The following ENO4 variants were observed in gnomAD, a reference collection of about 807,000 sequenced individuals.
ENO4 encodes 2-phospho-D-glycerate hydro-lyase.
A neutral mutation model predicts 63.2 loss-of-function variants in ENO4; 53 were observed. The observed-to-expected ratio is 0.84, with a 90% CI of 0.67 to 1.05. ENO4 has a LOEUF of 1.05. Ranked by LOEUF, ENO4 falls within the 50% of genes least tolerant of loss-of-function variation. The pLI, the probability that ENO4 is intolerant of heterozygous loss-of-function variation, is 0.00. For synonymous variants in ENO4, 266 were observed against 283.8 expected (o/e 0.94, Z 0.63); for missense variants, 719 against 772.0 (o/e 0.93, Z 0.81).
chr10:116,895,508 A>G (rs1215873984), intron 10 of ENO4, among the ~76,000 whole-genome samples: 1 of 152,200 alleles, frequency 6.6e-6, no homozygotes, highest in Non-Finnish European at 1.5e-5. Flanking sequence ...TCCTCCCTTG[A>G]CAAGAGATCT....
intron 10 of ENO4, among the ~76,000 whole-genome samples, chr10:116,907,170 A>G (rs2133337777): frequency 6.6e-6 from 1 of 152,306 alleles, no homozygotes; most frequent in Non-Finnish European, 1.5e-5. Context: ...AGCGGCACTG[A>G]AAAATGTGTG....
At chr10:116,861,657 G>A (rs1338152759) in intron 6 of ENO4, among the ~76,000 whole-genome samples, 7 of 152,112 alleles carry the variant, frequency 4.6e-5, no homozygotes, top group African/African-American at 1.7e-4. Flanking sequence ...CCACTCAGAG[G>A]TGTGCAAGGA....
intron 10 of ENO4, among the ~76,000 whole-genome samples, chr10:116,908,411 C>T (rs994818466): frequency 5.3e-5 from 8 of 152,144 alleles, no homozygotes; most frequent in Non-Finnish European, 1.0e-4. Flanking sequence ...AAGAGTCACA[C>T]CATAAGGTAT....
At chr10:116,881,355 T>C (rs567496795) in intron 13 of ENO4, 160 bp from the exon 14 acceptor site, 13 of 570,606 alleles carry the variant, frequency 2.3e-5, no homozygotes, top group African/African-American at 2.1e-4. Flanking sequence ...AATTAACATA[T>C]AACCAAAGAT....
intron 10 of ENO4, among the ~76,000 whole-genome samples, chr10:116,911,066 T>G (rs1848171411): frequency 6.6e-6 from 1 of 152,218 alleles, no homozygotes; most frequent in Non-Finnish European, 1.5e-5. Flanking sequence ...TGACTTACTG[T>G]GCATAATAAC....
intron 10 of ENO4, chr10:116,906,876 T>A: frequency 1.4e-6 from 1 of 731,190 alleles, no homozygotes; most frequent in Non-Finnish European, 2.0e-6. Context: ...GAATTTGCTA[T>A]ATATTAATAT....
chr10:116,899,652 C>A (rs890729327), intron 10 of ENO4, among the ~76,000 whole-genome samples: 11 of 152,118 alleles, frequency 7.2e-5, no homozygotes, highest in African/African-American at 2.7e-4. Flanking sequence ...GCCAATAGCG[C>A]CACTCACGTG....
chr10:116,892,361 C>A lies in ENO4; in HGVS notation c.1194+12375C>A, dbSNP rs141435333. Among the ~76,000 whole-genome samples, 1,031 of 152,306 alleles carry A rather than the reference C, an allele frequency of 6.8e-3. 15 individuals are homozygous for A. Among genetic ancestry groups the A allele is most frequent in the African/African-American group, 0.024 (996 of 41,564 alleles). On this transcript the variant is annotated intron_variant, in intron 10 of 10. Coordinates refer to the ENO4 transcript ENST00000369207. Reference sequence around the variant, plus strand: ...CAATGCGTGAACTACGATTTCAGCTCGGCCAAAGATTCTGAAATGTGGGTG... The same window carrying A: ...CAATGCGTGAACTACGATTTCAGCTAGGCCAAAGATTCTGAAATGTGGGTG...
At chr10:116,878,146 T>C (rs530764277) in intron 11 of ENO4, among the ~76,000 whole-genome samples, 1 of 152,358 alleles carries the variant, frequency 6.6e-6, no homozygotes, top group East Asian at 1.9e-4. Flanking sequence ...GACTGGGGTT[T>C]CCCACTGGAC....
At chr10:116,897,162 C>T (rs183523993) in intron 10 of ENO4, among the ~76,000 whole-genome samples, 54 of 152,172 alleles carry the variant, frequency 3.5e-4, no homozygotes, top group Non-Finnish European at 7.2e-4. Flanking sequence ...GCATTTGGGG[C>T]AACAGTGAAG....
chr10:116,905,264 C>T (rs1049408083), intron 10 of ENO4, among the ~76,000 whole-genome samples: 3 of 148,462 alleles, frequency 2.0e-5, no homozygotes, highest in East Asian at 3.9e-4. Flanking sequence ...AAGGCTGAAA[C>T]GATGAAAAGG....
chr10:116,851,862 C>A (rs1763938857), intron 1 of ENO4, among the ~76,000 whole-genome samples: 1 of 152,086 alleles, frequency 6.6e-6, no homozygotes, highest in Admixed American at 6.5e-5. Flanking sequence ...TATCTGCTCA[C>A]CACATCTCCC....
At chr10:116,875,496 C>T (rs995599024) in intron 10 of ENO4, among the ~76,000 whole-genome samples, 1 of 151,542 alleles carries the variant, frequency 6.6e-6, no homozygotes, top group African/African-American at 2.4e-5. Context: ...CCAGGCACAC[C>T]ACCACACCCA....
downstream of ENO4, chr10:116,882,938 A>G (rs1392045851): frequency 6.6e-6 from 1 of 151,664 alleles, no homozygotes; most frequent in Non-Finnish European, 1.5e-5. Flanking sequence ...CAGAACAAAC[A>G]TGACTGGGTG....
chr10:116,903,334 A>T (rs1156371874), intron 10 of ENO4, among the ~76,000 whole-genome samples: 1 of 152,084 alleles, frequency 6.6e-6, no homozygotes, highest in Non-Finnish European at 1.5e-5. Flanking sequence ...GGAGTTAGAG[A>T]CCAACCTGGC....
chr10:116,871,779 TCA>T (rs970919998), intron 9 of ENO4, among the ~76,000 whole-genome samples: 2 of 152,208 alleles, frequency 1.3e-5, no homozygotes, highest in African/African-American at 4.8e-5. Context: ...ACTAAACACA[TCA>T]CAGTGTTATC....
Position 116,861,205 on chromosome 10 carries a change from C to T in ENO4, c.936+15C>T. 2.8e-6 allele frequency: 3 copies of T among 1,072,100 alleles called. No individual in the cohort carries two copies. The highest frequency in any genetic ancestry group is 3.6e-6 in the Non-Finnish European group (3 of 836,822). 66.4% of individuals were successfully genotyped at this position (1,072,100 alleles called of 1,614,324 possible). A position where few individuals can be genotyped will look rare whatever the true frequency, so the allele number is the denominator to read the frequency against. ...CAACCAAACAAGTACCTTACATTAT[C>T]TTAAATTACCTTTTCTAAAAAAAAA... is the stretch of plus-strand genomic sequence containing the variant. On this transcript the variant is annotated intron_variant, in intron 6 of 13. Transcript: ENST00000341276.
At chr10:116,876,943 C>T (rs187568660) in intron 11 of ENO4, among the ~76,000 whole-genome samples, 49 of 151,400 alleles carry the variant, frequency 3.2e-4, no homozygotes, top group Non-Finnish European at 5.4e-4. Flanking sequence ...AGGGAGACTC[C>T]GTCTCAAAAT....
rs1846456070 is a variant in ENO4, at chr10:116,863,010, C to T, written c.990+158C>T. Among the ~76,000 whole-genome samples, 4 of 152,202 alleles carry T rather than the reference C, an allele frequency of 2.6e-5. No individual in the cohort carries two copies. In the South Asian group the frequency reaches 8.3e-4, roughly 32 times the overall value. ...CAAGAACCAAGTGTATCCATGTCCTCAGTGGCTATGGATCCAGCCTCTAAT... is the reference window on the plus strand; with the variant it reads ...CAAGAACCAAGTGTATCCATGTCCTTAGTGGCTATGGATCCAGCCTCTAAT... On this transcript the variant is annotated intron_variant, in intron 7 of 13. Coordinates refer to ENST00000341276, the MANE Select transcript of ENO4 (RefSeq NM_001242699.2).
Sources: allele counts gnomAD v4.1 joint callset (sites outside exome capture counted in the v4.1 genomes callset), GRCh38; gene constraint gnomAD v4.1.1; transcripts MANE v1.5; gene names NCBI Gene and HGNC (gene_info 2026-07-23, HGNC 2026-07-21).